Variants in MARCHF1 observed in about 807,000 individuals in gnomAD.
The protein encoded by MARCHF1 is E3 ubiquitin-protein ligase MARCHF1.
A neutral mutation model predicts 54.2 loss-of-function variants in MARCHF1; 40 were observed. The ratio of observed to expected loss-of-function variants is 0.74; its 90% CI spans 0.57 to 0.96. MARCHF1 has a LOEUF of 0.96. Ranked by LOEUF, MARCHF1 falls within the 40% of genes least tolerant of loss-of-function variation. The probability of loss-of-function intolerance (pLI) is 0.00; values close to 1 mark genes in which losing one functional copy is unlikely to be tolerated. For missense variants in MARCHF1, 586 were observed against 656.5 expected (o/e 0.89, Z 1.17); for synonymous variants, 236 against 236.3 (o/e 1.00, Z 0.01).
intron 1 of MARCHF1, among the ~76,000 whole-genome samples, chr4:164,176,980 C>CTATATATATATATATATA (rs71595261): frequency 8.5e-5 from 5 of 58,908 alleles, no homozygotes; most frequent in African/African-American, 3.6e-4. Flanking sequence ...CTCTCTCTCT[C>CTATATATATATATATATA]TATATATATA....
rs191496787 is a variant in MARCHF1 at position 164,277,208 on chromosome 4, G to C, written c.-323+106662C>G. Among the ~76,000 whole-genome samples the C allele has an allele frequency of 1.0e-3, 152 of 152,070 alleles. 1 individual carries two copies. Among genetic ancestry groups the C allele is most frequent in the African/African-American group, 3.6e-3 (150 of 41,470 alleles). On this transcript the variant is annotated intron_variant, in intron 1 of 9. Transcript: ENST00000514618. ...AAGTAAACATTGCAGTCCATTATAA[G>C]CTGCAAGAGGACAGGGATTTTTGCC...
At chr4:164,043,498 C>A (rs1182508041) in intron 2 of MARCHF1, among the ~76,000 whole-genome samples, 2 of 152,118 alleles carry the variant, frequency 1.3e-5, no homozygotes, top group Non-Finnish European at 2.9e-5. Flanking sequence ...CTGAACAGAG[C>A]AGCTGGACCC....
intron 9 of MARCHF1, among the ~76,000 whole-genome samples, chr4:163,543,626 G>T (rs1738796342): frequency 6.6e-6 from 1 of 152,150 alleles, no homozygotes; most frequent in African/African-American, 2.4e-5. Context: ...AAAGCATGGA[G>T]CCATGAGTTT....
At chr4:164,218,222 T>C (rs1731987021) in intron 1 of MARCHF1, among the ~76,000 whole-genome samples, 2 of 152,130 alleles carry the variant, frequency 1.3e-5, no homozygotes, top group Admixed American at 1.3e-4. Context: ...AGAGACCTTA[T>C]GGAAATAGCT....
At chr4:164,045,741 A>G (rs926374700) in intron 2 of MARCHF1, among the ~76,000 whole-genome samples, 8 of 149,340 alleles carry the variant, frequency 5.4e-5, no homozygotes, top group Non-Finnish European at 1.0e-4. Context: ...GTCATGTAAT[A>G]CACTTCCTCC....
intron 2 of MARCHF1, among the ~76,000 whole-genome samples, chr4:164,085,720 C>T (rs546491817): frequency 1.1e-4 from 17 of 151,764 alleles, no homozygotes; most frequent in Non-Finnish European, 1.3e-4. Context: ...AGAGAAGTCT[C>T]AAGGGCAAAT....
chr4:164,068,053 T>A (rs1754766969), intron 2 of MARCHF1, among the ~76,000 whole-genome samples: 1 of 152,130 alleles, frequency 6.6e-6, no homozygotes, highest in South Asian at 2.1e-4. Context: ...TGGTCATTAC[T>A]AAAAAGTAAA....
chr4:164,145,392 T>G (rs1393574377), intron 1 of MARCHF1, among the ~76,000 whole-genome samples: 1 of 151,890 alleles, frequency 6.6e-6, no homozygotes, highest in Admixed American at 6.6e-5. Flanking sequence ...TAGACCAATA[T>G]CCTTGATGAA....
At chr4:163,912,439 C>T (rs909912509) in intron 3 of MARCHF1, among the ~76,000 whole-genome samples, 1 of 152,062 alleles carries the variant, frequency 6.6e-6, no homozygotes, top group South Asian at 2.1e-4. Flanking sequence ...TAGGTAGCTC[C>T]GTGGGATGGG....
intron 1 of MARCHF1, among the ~76,000 whole-genome samples, chr4:164,160,192 G>A (rs1730193981): frequency 6.6e-6 from 1 of 152,118 alleles, no homozygotes; most frequent in African/African-American, 2.4e-5. Context: ...ATGGGGATAT[G>A]TTCTGAGAAA....
At chr4:164,290,677 C>T (rs1047903055) in intron 1 of MARCHF1, among the ~76,000 whole-genome samples, 2 of 151,876 alleles carry the variant, frequency 1.3e-5, no homozygotes, top group East Asian at 3.8e-4. Context: ...ATATTTAATT[C>T]ATACTTAATT....
At chr4:164,323,942 A>G (rs1735208484) in intron 1 of MARCHF1, among the ~76,000 whole-genome samples, 1 of 151,980 alleles carries the variant, frequency 6.6e-6, no homozygotes, top group African/African-American at 2.4e-5. Flanking sequence ...CAACAATGTA[A>G]AAGCTAAAAG....
In MARCHF1 at chr4:163,747,816, C is replaced by A. The variant is rs1005690597; in HGVS notation, c.112-46953G>T. On this transcript the variant is annotated intron_variant, in intron 4 of 9. Coordinates refer to ENST00000514618, the MANE Select transcript of MARCHF1 (RefSeq NM_001394959.1). ...AAATATAACAAAGACATTTAGAGAC[C>A]TGGACAACTGCTGGGTCTGTCCCGT... 5.9e-5 allele frequency among the ~76,000 whole-genome samples: 9 copies of A among 152,104 alleles called. 1 individual carries two copies. In the South Asian group the frequency reaches 1.9e-3, roughly 32 times the overall value.
intron 1 of MARCHF1, among the ~76,000 whole-genome samples, chr4:164,232,145 C>A (rs551147702): frequency 1.9e-3 from 286 of 152,162 alleles, no homozygotes; most frequent in Non-Finnish European, 3.7e-3. Context: ...TTTAGTAAAA[C>A]CTAATTTTAA....
At chr4:164,060,484 C>G (rs1560885396) in intron 2 of MARCHF1, among the ~76,000 whole-genome samples, 1 of 152,016 alleles carries the variant, frequency 6.6e-6, no homozygotes, top group East Asian at 1.9e-4. Context: ...GATAGTATTT[C>G]TTGTTTTATT....
chr4:163,687,172 C>T (rs62334330), intron 5 of MARCHF1, among the ~76,000 whole-genome samples: 46,492 of 151,712 alleles, frequency 0.31, 8,920 homozygotes, highest in Non-Finnish European at 0.44. Context: ...CTGTGATCAT[C>T]GAGTTACCTG....
intron 7 of MARCHF1, among the ~76,000 whole-genome samples, chr4:163,596,613 C>T (rs1475774175): frequency 6.7e-6 from 1 of 149,784 alleles, no homozygotes; most frequent in Non-Finnish European, 1.5e-5. Context: ...CCCACAATTA[C>T]CACTTGAAAA....
chr4:164,290,083 ATATATGTCTC>A, intron 1 of MARCHF1, among the ~76,000 whole-genome samples: 1 of 151,772 alleles, frequency 6.6e-6, no homozygotes. Context: ...GACGCATCTC[ATATATGTCTC>A]TATAATAGCA....
chr4:163,831,295 C>T (rs537858165), intron 4 of MARCHF1, among the ~76,000 whole-genome samples: 3 of 152,244 alleles, frequency 2.0e-5, no homozygotes, highest in Non-Finnish European at 4.4e-5. Context: ...GTCTAAAGTC[C>T]AAGATTGGCC....
Sources: allele counts gnomAD v4.1 joint callset (sites outside exome capture counted in the v4.1 genomes callset), GRCh38; gene constraint gnomAD v4.1.1; transcripts MANE v1.5; gene names NCBI Gene and HGNC (gene_info 2026-07-23, HGNC 2026-07-21).